PPFIA3: variants seen among roughly 807,000 people sequenced by gnomAD.
PPFIA3 encodes the protein PPFI scaffold protein A3.
In PPFIA3, 26 loss-of-function variants were observed where a neutral mutation model predicts 145.8. The observed-to-expected ratio is 0.18, with a 90% CI of 0.13 to 0.25. The LOEUF is 0.25. Ranked by LOEUF, PPFIA3 falls within the 10% of genes least tolerant of loss-of-function variation. The pLI, the probability that PPFIA3 is intolerant of heterozygous loss-of-function variation, is 1.00. For synonymous variants in PPFIA3, 645 were observed against 661.4 expected (o/e 0.98, Z 0.38); for missense variants, 1,008 against 1,587.8 (o/e 0.63, Z 6.21).
rs974506886 is a variant in PPFIA3 at position 49,120,165 on chromosome 19, C to T, written c.-16+443C>T. ...CCCACGGTCCAGGCAGGCTCGGCGG[C>T]CGCCCTGGACACAGGCCCGCTCTGG... is the stretch of plus-strand genomic sequence containing the variant. On this transcript the variant is annotated intron_variant, in intron 1 of 29. Transcript: ENST00000334186. The surrounding 1 kb of genome is among the most constrained non-coding windows in gnomAD (Gnocchi z 4.6). Among the ~76,000 whole-genome samples the T allele has an allele frequency of 6.6e-6, 1 of 152,118 alleles. No homozygotes were observed. Among genetic ancestry groups the T allele is most frequent in the African/African-American group, 2.4e-5 (1 of 41,446 alleles).
chr19:49,142,297 C>T lies in PPFIA3; in HGVS notation c.2544+182C>T, dbSNP rs543266707. On this transcript the variant is annotated intron_variant, in intron 20 of 29. Transcript: ENST00000334186. ...TCCTGTTCACCTAAACAGTTTCTTT[C>T]TCCTTCTCCTTCTGCCCCTGCCACT... Among the ~76,000 whole-genome samples the T allele has an allele frequency of 1.1e-3, 166 of 152,216 alleles. 1 individual carries two copies. Among genetic ancestry groups the T allele is most frequent in the Non-Finnish European group, 2.0e-3 (135 of 67,990 alleles).
intron 18 of PPFIA3, among the ~76,000 whole-genome samples, 182 bp from the exon 19 acceptor site, chr19:49,141,238 C>T (rs1212810769): frequency 1.3e-5 from 2 of 152,140 alleles, no homozygotes; most frequent in African/African-American, 4.8e-5. Flanking sequence ...TGCATCCAGC[C>T]GTATTTTGGG....
At chr19:49,123,818 G>A (rs1449961004) in intron 1 of PPFIA3, among the ~76,000 whole-genome samples, 1 of 152,034 alleles carries the variant, frequency 6.6e-6, no homozygotes, top group Non-Finnish European at 1.5e-5. Flanking sequence ...TAGGTTCTAG[G>A]CCCATTCATT....
intron 7 of PPFIA3, among the ~76,000 whole-genome samples, chr19:49,132,347 C>G (rs1477504766): frequency 7.3e-6 from 1 of 136,564 alleles, no homozygotes; most frequent in Non-Finnish European, 1.5e-5. Context: ...CGAGATCGCA[C>G]CACTGCACTC....
chr19:49,146,658 A>G (rs979949054), intron 23 of PPFIA3, among the ~76,000 whole-genome samples: 2 of 152,168 alleles, frequency 1.3e-5, no homozygotes, highest in Non-Finnish European at 2.9e-5. Context: ...GGCCGGGCGC[A>G]GTGGCTCACG....
rs1196326418 is a variant in PPFIA3, at chr19:49,149,600, G to C, written c.3408G>C (p.Glu1136Asp). ...CATCCTGGCGGAAGATGTTCCGGGA[G>C]AAGGACCTCCGAGGCGTAACTCCCG... ...RSPSWRKMFR[E>D]KDLRGVTPDS... The change falls in exon 28 of 30, where the codon GAG (glutamate) becomes GAC (aspartate). Residue 1136 changes from glutamate (E) to aspartate (D), a missense_variant. Glu to Asp is a conservative substitution (Grantham distance 45, BLOSUM62 2). This residue lies in a region of PPFIA3 where 125 missense variants were observed against 159.3 expected (regional missense o/e 0.78). Transcript: ENST00000334186. The surrounding 1 kb of genome is among the most constrained non-coding windows in gnomAD (Gnocchi z 5.7). 6.2e-7 allele frequency: 1 copy of C among 1,614,240 alleles called. No homozygotes were observed. The highest frequency in any genetic ancestry group is 8.5e-7 in the Non-Finnish European group (1 of 1,180,050).
intron 21 of PPFIA3, among the ~76,000 whole-genome samples, chr19:49,143,369 C>A (rs963749019): frequency 6.6e-6 from 1 of 152,072 alleles, no homozygotes; most frequent in African/African-American, 2.4e-5. Context: ...ATTATTTTAT[C>A]TTTTCTTTCC....
chr19:49,135,574 A>C (rs1422096107), intron 13 of PPFIA3, among the ~76,000 whole-genome samples: 3 of 150,962 alleles, frequency 2.0e-5, no homozygotes, highest in Non-Finnish European at 4.4e-5. Flanking sequence ...GGGCTTCACC[A>C]GGTTGGCCTG....
In PPFIA3 at chr19:49,149,054, A is replaced by G. The variant is rs771842815; in HGVS notation, c.3171A>G (p.Glu1057=). 7 of 1,613,908 alleles carry G rather than the reference A, an allele frequency of 4.3e-6. No individual in the cohort carries two copies. In the East Asian group the frequency reaches 8.9e-5, roughly 21 times the overall value. ...GGGTGTCCGGGCTGGGCCTGAAGGA[A>G]TTTGCCACGAACCTCACGGAGAGCG... ...MGWVSGLGLK[E]FATNLTESGV... Residue 1057 remains glutamate (E), a synonymous_variant, in exon 26 of 30, where the codon GAA becomes GAG. Transcript: ENST00000334186. This position sits in a 1 kb window ranked among gnomAD's most constrained non-coding sequence, Gnocchi z 5.7.
chr19:49,146,612 G>A (rs1029990270), intron 23 of PPFIA3, among the ~76,000 whole-genome samples: 2 of 152,156 alleles, frequency 1.3e-5, no homozygotes, highest in Non-Finnish European at 2.9e-5. Flanking sequence ...AAGTTGGGGA[G>A]GAGGAGCTAC....
chr19:49,147,946 C>G, intron 23 of PPFIA3, 137 bp from the exon 24 acceptor site: 1 of 860,634 alleles, frequency 1.2e-6, no homozygotes, highest in East Asian at 2.6e-5. Context: ...GGTCCATTAT[C>G]CTGAGCAGAG....
chr19:49,141,627 T>A, intron 19 of PPFIA3, 114 bp downstream of exon 19: 1 of 779,148 alleles, frequency 1.3e-6, no homozygotes, highest in Non-Finnish European at 2.0e-6. Flanking sequence ...AGAGGGTGTG[T>A]GAGTGTGTGT....
At chr19:49,138,180 C>T (rs750672951) in intron 15 of PPFIA3, 25 bp from the exon 16 acceptor site, 6 of 1,545,218 alleles carry the variant, frequency 3.9e-6, no homozygotes, top group South Asian at 1.2e-5. Context: ...GCCCCTCACC[C>T]AGTTTCCCCT....
chr19:49,140,944 G>A (rs886574413), intron 18 of PPFIA3, among the ~76,000 whole-genome samples: 3 of 152,048 alleles, frequency 2.0e-5, no homozygotes, highest in African/African-American at 7.2e-5. Flanking sequence ...GTGAGCCACC[G>A]TGCCCAGCCA....
At position 49,130,829 on chromosome 19, in the gene PPFIA3, A is replaced by C. The variant is rs1013222725; in HGVS notation, c.879+230A>C. Among the ~76,000 whole-genome samples, 110 of 152,126 alleles carry C rather than the reference A, an allele frequency of 7.2e-4. No individual in the cohort carries two copies. Among genetic ancestry groups the C allele is most frequent in the African/African-American group, 2.5e-3 (102 of 41,500 alleles). Reference sequence around the variant, plus strand: ...ACTGCTCGTAATTACTTTGTTACCTAACTTTGGGTTCTTCTCTGGTGCCTC... The same window carrying C: ...ACTGCTCGTAATTACTTTGTTACCTCACTTTGGGTTCTTCTCTGGTGCCTC... On this transcript the variant is annotated intron_variant, in intron 7 of 29. Transcript: ENST00000334186. The surrounding 1 kb of genome is among the most constrained non-coding windows in gnomAD (Gnocchi z 4.5).
chr19:49,127,750 T>C (rs368805126), intron 1 of PPFIA3, 109 bp from the exon 2 acceptor site: 11 of 1,341,108 alleles, frequency 8.2e-6, no homozygotes, highest in African/African-American at 4.6e-5. Flanking sequence ...GTGCAGTGCT[T>C]GGTTTGCCCC....
At chr19:49,138,652 G>T (rs956342272) in intron 16 of PPFIA3, among the ~76,000 whole-genome samples, 7 of 152,130 alleles carry the variant, frequency 4.6e-5, no homozygotes, top group Admixed American at 1.3e-4. Flanking sequence ...TATTTCTCAT[G>T]CGTCAAGTTT....
chr19:49,134,219 T>C, intron 11 of PPFIA3, 54 bp downstream of exon 11: 1 of 1,547,480 alleles, frequency 6.5e-7, no homozygotes, highest in Non-Finnish European at 8.7e-7. Flanking sequence ...TACCTCTTGC[T>C]GGAATCCTGG....
rs890141905 is a variant in PPFIA3, at chr19:49,133,657, C to T, written c.1162-139C>T. ...TGAAAAAGTGGACTAGGCGCAGGGG[C>T]GGGGCCTGACTCAAAGGTGCAGGGG... On this transcript the variant is annotated intron_variant, in intron 9 of 29. Transcript: ENST00000334186. The surrounding 1 kb of genome is among the most constrained non-coding windows in gnomAD (Gnocchi z 7.2). 10 of 980,236 alleles carry T rather than the reference C, an allele frequency of 1.0e-5. No individual in the cohort carries two copies. The highest frequency in any genetic ancestry group is 1.6e-5 in the Non-Finnish European group (10 of 630,752). 60.7% of individuals were successfully genotyped at this position (980,236 alleles called of 1,614,324 possible).
Sources: gnomAD v4.1 joint callset for allele counts (sites outside exome capture counted in the v4.1 genomes callset) on GRCh38, gnomAD v4.1.1 for gene constraint, gnomAD v4.1.1 regional missense constraint, Gnocchi (gnomAD v3.1) non-coding constraint, MANE v1.5 for transcripts, NCBI Gene and HGNC (gene_info 2026-07-23, HGNC 2026-07-21) for gene names.